Variants in GPHN observed in about 807,000 individuals in gnomAD.
GPHN encodes the protein gephyrin.
Under a neutral mutation model 95.5 loss-of-function variants are expected in GPHN, and 17 were observed. The observed-to-expected ratio is 0.18, with a 90% CI of 0.12 to 0.27. GPHN has a LOEUF of 0.27. GPHN is among the 10% of genes least tolerant of loss of function. The probability of loss-of-function intolerance (pLI) is 1.00; values close to 1 mark genes in which losing one functional copy is unlikely to be tolerated. For missense variants in GPHN, 660 were observed against 978.1 expected (o/e 0.67, Z 4.34); for synonymous variants, 320 against 322.5 (o/e 0.99, Z 0.08).
chr14:67,378,013 G>A, the GPHN span, among the ~76,000 whole-genome samples: 2 of 152,036 alleles, frequency 1.3e-5, no homozygotes, highest in East Asian at 3.9e-4. Context: ...CAACTTGGGA[G>A]GCTGAGGCAG....
At chr14:67,100,602 A>G (rs1157711770) in intron 12 of GPHN, among the ~76,000 whole-genome samples, 2 of 152,234 alleles carry the variant, frequency 1.3e-5, no homozygotes, top group African/African-American at 2.4e-5. Flanking sequence ...GACCACCTCC[A>G]GTGACACCAT....
chr14:66,964,224 A>G (rs1332812436), intron 8 of GPHN, among the ~76,000 whole-genome samples: 3 of 152,190 alleles, frequency 2.0e-5, no homozygotes, highest in Non-Finnish European at 2.9e-5. Context: ...AAGTATAATA[A>G]TAACAGTAAT....
chr14:67,446,107 T>C, the GPHN span: 1 of 498,878 alleles, frequency 2.0e-6, no homozygotes, highest in Non-Finnish European at 3.9e-6. Flanking sequence ...GCAGATCCTC[T>C]GGGAGGATGT....
At chr14:67,011,935 T>C (rs1210392604) in intron 9 of GPHN, among the ~76,000 whole-genome samples, 1 of 152,160 alleles carries the variant, frequency 6.6e-6, no homozygotes, top group Non-Finnish European at 1.5e-5. Context: ...TGGCTAATCC[T>C]AACCAAACCA....
At chr14:67,336,741 G>T in the GPHN span, 1 of 455,866 alleles carries the variant, frequency 2.2e-6, no homozygotes, top group South Asian at 1.5e-5. Flanking sequence ...TCAGCAGGCT[G>T]TTGGGAAGAC....
chr14:66,654,142 A>AT (rs913535136), intron 1 of GPHN, among the ~76,000 whole-genome samples: 3 of 151,970 alleles, frequency 2.0e-5, no homozygotes, highest in Admixed American at 1.3e-4. Context: ...ATCTCATTAC[A>AT]TTTTTTTGTT....
the GPHN span, chr14:67,663,256 A>C: frequency 8.6e-7 from 1 of 1,166,806 alleles, no homozygotes; most frequent in Non-Finnish European, 1.2e-6. Context: ...GTATTGTCTT[A>C]ATTGTATTTT....
chr14:66,817,544 A>G (rs1267211348), intron 3 of GPHN, among the ~76,000 whole-genome samples: 1 of 152,180 alleles, frequency 6.6e-6, no homozygotes, highest in Non-Finnish European at 1.5e-5. Context: ...TGGCTTTAAC[A>G]CATATAGTGA....
intron 1 of GPHN, among the ~76,000 whole-genome samples, chr14:66,588,329 TCTC>T (rs1345495963): frequency 6.6e-6 from 1 of 151,878 alleles, no homozygotes; most frequent in African/African-American, 2.4e-5. Flanking sequence ...GAATGCCTCT[TCTC>T]CTCCAAAGTA....
intron 5 of GPHN, among the ~76,000 whole-genome samples, chr14:66,890,843 G>A (rs1331839235): frequency 6.6e-6 from 1 of 151,684 alleles, no homozygotes; most frequent in Non-Finnish European, 1.5e-5. Flanking sequence ...TGGGTTTTCA[G>A]CATCAATGGG....
chr14:67,361,863 C>G, the GPHN span, among the ~76,000 whole-genome samples: 2 of 152,146 alleles, frequency 1.3e-5, no homozygotes, highest in Non-Finnish European at 2.9e-5. Context: ...AGCATTTGTT[C>G]TTAAGGAAGT....
At chr14:66,737,352 T>A (rs1206192283) in intron 2 of GPHN, among the ~76,000 whole-genome samples, 1 of 152,186 alleles carries the variant, frequency 6.6e-6, no homozygotes. Context: ...GTGAAACCAC[T>A]TTCAATTTTG....
chr14:66,982,984 C>T (rs1201350956), intron 9 of GPHN, among the ~76,000 whole-genome samples: 1 of 152,128 alleles, frequency 6.6e-6, no homozygotes, highest in Non-Finnish European at 1.5e-5. Flanking sequence ...GGCACGGTGG[C>T]TCACGCCTGT....
intron 8 of GPHN, among the ~76,000 whole-genome samples, chr14:66,940,461 C>T (rs2067360656): frequency 6.6e-6 from 1 of 152,150 alleles, no homozygotes; most frequent in African/African-American, 2.4e-5. Context: ...GTGACTGCAA[C>T]AGGGTGCCAC....
Position 67,171,821 on chromosome 14 carries a change from C to G in GPHN, c.2079+2785C>G, listed in dbSNP as rs181170415. ...GAAGGAAACACCAGGCCTCCACCAT[C>G]GCATCCCCCAGCTGGATCAGCTGGG... On this transcript the variant is annotated intron_variant, in intron 21 of 22. Coordinates refer to ENST00000478722, the MANE Select transcript of GPHN (RefSeq NM_020806.5). Among the ~76,000 whole-genome samples, 17 of 152,276 alleles carry G rather than the reference C, an allele frequency of 1.1e-4. 1 individual carries two copies. The South Asian group carries it at 2.7e-3, about 24-fold the overall frequency.
chr14:67,673,385 A>G, the GPHN span, among the ~76,000 whole-genome samples: 1 of 152,142 alleles, frequency 6.6e-6, no homozygotes, highest in East Asian at 1.9e-4. Context: ...CTGAAGTCCC[A>G]TCCCCTATTC....
the GPHN span, among the ~76,000 whole-genome samples, chr14:67,732,859 G>A: frequency 6.6e-6 from 1 of 152,184 alleles, no homozygotes; most frequent in Non-Finnish European, 1.5e-5. Flanking sequence ...GGGATTACAG[G>A]TGTGAGCCAC....
chr14:66,756,114 A>G (rs1192271260), intron 2 of GPHN, among the ~76,000 whole-genome samples: 1 of 152,162 alleles, frequency 6.6e-6, no homozygotes, highest in African/African-American at 2.4e-5. Context: ...TGCTCAAAAA[A>G]GTTTTTGTTG....
At chr14:66,868,107 A>C (rs2063295336) in intron 4 of GPHN, among the ~76,000 whole-genome samples, 1 of 152,184 alleles carries the variant, frequency 6.6e-6, no homozygotes, top group Admixed American at 6.5e-5. Context: ...ATAACTTAAC[A>C]AAGTTATTAT....
Sources: allele counts gnomAD v4.1 joint callset (sites outside exome capture counted in the v4.1 genomes callset), GRCh38; gene constraint gnomAD v4.1.1; transcripts MANE v1.5; gene names NCBI Gene and HGNC (gene_info 2026-07-23, HGNC 2026-07-21).